The following GPC6 variants were observed in gnomAD, a reference collection of about 807,000 sequenced individuals.
GPC6 encodes glypican 6.
A neutral mutation model predicts 55.2 loss-of-function variants in GPC6; 14 were observed. The ratio of observed to expected loss-of-function variants is 0.25; its 90% CI spans 0.17 to 0.40. The LOEUF is 0.40. GPC6 is among the 10% of genes least tolerant of loss of function. The pLI is 1.00. For missense variants in GPC6, 641 were observed against 708.5 expected, an observed-to-expected ratio of 0.90 and a Z score of 1.08; for synonymous variants, 278 against 259.6, an observed-to-expected ratio of 1.07 and a Z score of -0.68.
chr13:93,576,421 A>T (rs1876667012), intron 2 of GPC6, among the ~76,000 whole-genome samples: 1 of 152,184 alleles, frequency 6.6e-6, no homozygotes, highest in African/African-American at 2.4e-5. Flanking sequence ...TTGGAGGAAT[A>T]GCTTTTATTT....
At chr13:93,510,985 G>GTATATATATATA (rs1880942460) in intron 1 of GPC6, among the ~76,000 whole-genome samples, 1 of 36,812 alleles carries the variant, frequency 2.7e-5, no homozygotes, top group Non-Finnish European at 6.3e-5. Context: ...ATATATATAT[G>GTATATATATATA]TGTATATATA....
chr13:94,304,198 T>G lies in GPC6; in HGVS notation c.1009-1782T>G, dbSNP rs546867429. Among the ~76,000 whole-genome samples the G allele has an allele frequency of 7.2e-5, 11 of 152,364 alleles. No homozygotes were observed. The South Asian group carries it at 1.0e-3, about 14-fold the overall frequency. ...CTTCAGAAATTGTGTGAGAGAAGAATAATCAATAGTGTGTTAAGACCAATC... is the reference window on the plus strand; with the variant it reads ...CTTCAGAAATTGTGTGAGAGAAGAAGAATCAATAGTGTGTTAAGACCAATC... On this transcript the variant is annotated intron_variant, in intron 5 of 8. Transcript: ENST00000377047.
intron 1 of GPC6, among the ~76,000 whole-genome samples, chr13:93,321,451 C>T (rs575486183): frequency 1.1e-4 from 16 of 152,208 alleles, no homozygotes; most frequent in South Asian, 2.1e-4. Flanking sequence ...AATCTTATCT[C>T]GTGCTGTATA....
At chr13:93,932,008 A>G (rs1263078119) in intron 3 of GPC6, among the ~76,000 whole-genome samples, 1 of 152,206 alleles carries the variant, frequency 6.6e-6, no homozygotes, top group African/African-American at 2.4e-5. Flanking sequence ...ATCATGTTAT[A>G]GAGCCATCAT....
chr13:93,225,642 G>T (rs1392977208), upstream of GPC6, among the ~76,000 whole-genome samples: 1 of 152,078 alleles, frequency 6.6e-6, no homozygotes, highest in African/African-American at 2.4e-5. Context: ...GAGTCTTTTT[G>T]GTGGTTAGGA....
At chr13:93,290,523 A>G (rs2139079469) in intron 1 of GPC6, among the ~76,000 whole-genome samples, 1 of 152,280 alleles carries the variant, frequency 6.6e-6, no homozygotes. Context: ...GCAGTTACTC[A>G]GGAAATTTTA....
At chr13:93,951,070 A>T (rs746647115) in intron 3 of GPC6, among the ~76,000 whole-genome samples, 1 of 152,180 alleles carries the variant, frequency 6.6e-6, no homozygotes, top group South Asian at 2.1e-4. Flanking sequence ...GTCTTGTATT[A>T]CATACAAGAT....
chr13:93,501,754 T>C (rs2139372504), intron 1 of GPC6, among the ~76,000 whole-genome samples: 1 of 152,270 alleles, frequency 6.6e-6, no homozygotes, highest in Non-Finnish European at 1.5e-5. Flanking sequence ...AACCTGTGGT[T>C]TCAATTCGGC....
At chr13:93,826,099 A>G (rs888468779) in intron 2 of GPC6, among the ~76,000 whole-genome samples, 8 of 151,870 alleles carry the variant, frequency 5.3e-5, no homozygotes, top group South Asian at 2.1e-4. Flanking sequence ...ACCTCAGGTG[A>G]TCTGCCCACC....
At chr13:93,957,645 T>C (rs1879566819) in intron 3 of GPC6, among the ~76,000 whole-genome samples, 1 of 152,224 alleles carries the variant, frequency 6.6e-6, no homozygotes, top group Non-Finnish European at 1.5e-5. Flanking sequence ...TCTAGGTTGA[T>C]TTGATGTCTT....
intron 4 of GPC6, among the ~76,000 whole-genome samples, chr13:94,098,291 T>A (rs907232373): frequency 6.6e-6 from 1 of 152,182 alleles, no homozygotes; most frequent in Non-Finnish European, 1.5e-5. Flanking sequence ...TAGTTAGACA[T>A]TTCAGATACA....
intron 2 of GPC6, among the ~76,000 whole-genome samples, chr13:93,651,754 G>A (rs9524160): frequency 0.8 from 121,735 of 151,978 alleles, 50,291 homozygotes; most frequent in Non-Finnish European, 0.92. Flanking sequence ...GGCAAGGTAT[G>A]TTGCTCCACA....
At chr13:94,340,284 G>A (rs576549035) in intron 6 of GPC6, among the ~76,000 whole-genome samples, 6 of 152,086 alleles carry the variant, frequency 3.9e-5, no homozygotes, top group African/African-American at 1.4e-4. Flanking sequence ...ATCACTAACT[G>A]TGGATGTTGC....
intron 4 of GPC6, among the ~76,000 whole-genome samples, chr13:94,119,267 G>T (rs1886542471): frequency 6.6e-6 from 1 of 152,028 alleles, no homozygotes; most frequent in Admixed American, 6.6e-5. Context: ...GGACAACAAT[G>T]AAGTAAAAAG....
rs576918283 is a variant in GPC6, at chr13:94,162,911, G to T, written c.878-123438G>T. On this transcript the variant is annotated intron_variant, in intron 4 of 8. Coordinates refer to ENST00000377047, the MANE Select transcript of GPC6 (RefSeq NM_005708.5). Reference sequence around the variant, plus strand: ...TGACACCATGGACATGGACAATAAGGGTTACATGTTGGGGTACAGAGACCA... The same window carrying T: ...TGACACCATGGACATGGACAATAAGTGTTACATGTTGGGGTACAGAGACCA... Among the ~76,000 whole-genome samples the T allele has an allele frequency of 1.1e-4, 17 of 152,130 alleles. No individual in the cohort carries two copies. In the South Asian group the frequency reaches 3.1e-3, roughly 28 times the overall value.
intron 4 of GPC6, among the ~76,000 whole-genome samples, chr13:94,270,371 A>G (rs1891953173): frequency 6.6e-6 from 1 of 152,228 alleles, no homozygotes; most frequent in African/African-American, 2.4e-5. Flanking sequence ...GTCATAGTGC[A>G]TTGCTGATAG....
chr13:93,330,171 C>G (rs1168976127), intron 1 of GPC6, among the ~76,000 whole-genome samples: 1 of 152,148 alleles, frequency 6.6e-6, no homozygotes, highest in African/African-American at 2.4e-5. Context: ...TGTTCTGTAT[C>G]TTGGGTTTCT....
At position 94,407,268 on chromosome 13, in the gene GPC6, T is replaced by G. The variant is rs1243740411; in HGVS notation, c.*4051T>G. The G allele has an allele frequency of 6.6e-6, 1 of 152,168 alleles. No homozygotes were observed. Among genetic ancestry groups the G allele is most frequent in the African/African-American group, 2.4e-5 (1 of 41,452 alleles). The allele number at this position is 152,168 out of a possible 1,614,324, so 9.4% of individuals were successfully genotyped here. ...GCATATACATAATATATATGCAGGA[T>G]AAATGTGTGCACCAATCAAATCTAA... On this transcript the variant is annotated 3_prime_UTR_variant, in exon 9 of 9. Coordinates refer to ENST00000377047, the MANE Select transcript of GPC6 (RefSeq NM_005708.5).
intron 2 of GPC6, among the ~76,000 whole-genome samples, chr13:93,775,762 T>C (rs1442442992): frequency 9.9e-5 from 15 of 152,266 alleles, no homozygotes; most frequent in Admixed American, 9.2e-4. Flanking sequence ...TTGCCTTAAT[T>C]GAAAGGTTCA....
Sources: allele counts gnomAD v4.1 joint callset (sites outside exome capture counted in the v4.1 genomes callset), GRCh38; gene constraint gnomAD v4.1.1; transcripts MANE v1.5; gene names NCBI Gene and HGNC (gene_info 2026-07-23, HGNC 2026-07-21).